ZNF695: variants seen among roughly 807,000 people sequenced by gnomAD.
ZNF695 encodes zinc finger protein SBZF3.
A neutral mutation model predicts 11.2 loss-of-function variants in ZNF695; 11 were observed. The ratio of observed to expected loss-of-function variants is 0.98; its 90% CI spans 0.62 to 1.62. ZNF695 has a LOEUF of 1.62. ZNF695 is among the 40% of genes most tolerant of loss of function. ZNF695 has a pLI of 0.00. For missense variants in ZNF695, 559 were observed against 590.5 expected (o/e 0.95, Z 0.55); for synonymous variants, 190 against 201.4 (o/e 0.94, Z 0.48).
chr1:246,961,047 TG>T (rs1037470899), intron 5 of ZNF695, among the ~76,000 whole-genome samples: 4 of 152,220 alleles, frequency 2.6e-5, no homozygotes, highest in Non-Finnish European at 5.9e-5. Flanking sequence ...ACTATGAAGG[TG>T]GGCTTCCTGA....
chr1:246,965,247 C>G (rs1668257513), intron 5 of ZNF695, among the ~76,000 whole-genome samples: 2 of 151,590 alleles, frequency 1.3e-5, no homozygotes, highest in Non-Finnish European at 2.9e-5. Flanking sequence ...GTCCCAGCTA[C>G]TCGGGAGTCT....
chr1:246,964,623 C>A (rs1668241895), intron 5 of ZNF695, among the ~76,000 whole-genome samples: 1 of 152,236 alleles, frequency 6.6e-6, no homozygotes, highest in South Asian at 2.1e-4. Flanking sequence ...ATAATCCCAG[C>A]AATTTGGGAG....
rs151022440 is a variant in ZNF695 at position 246,971,270 on chromosome 1, T to G, written c.391-3478A>C. Among the ~76,000 whole-genome samples the G allele has an allele frequency of 5.3e-4, 81 of 152,330 alleles. No individual in the cohort carries two copies. In the East Asian group the frequency reaches 9.1e-3, roughly 17 times the overall value. On this transcript the variant is annotated intron_variant, in intron 4 of 5. Coordinates refer to the ZNF695 transcript ENST00000487338. The stretch of plus-strand genomic sequence containing the variant: ...TCTGTGCATTTCAAAGACTTTAGTC[T>G]TCACTGATTCTGCTACTGCTATCTA...
intron 3 of ZNF695, chr1:246,996,191 C>CA (rs750458290): frequency 0.013 from 3,530 of 277,044 alleles, 12 homozygotes; most frequent in South Asian, 0.019. Flanking sequence ...ACTAAAAATA[C>CA]AAAAAAAAAA....
At chr1:246,983,503 G>A (rs927477250), downstream of ZNF695, among the ~76,000 whole-genome samples, 2 of 151,814 alleles carry the variant, frequency 1.3e-5, no homozygotes, top group African/African-American at 4.8e-5. Flanking sequence ...AAATATAAAT[G>A]ACCTCAAACT....
At chr1:246,971,034 G>A (rs1668410858) in intron 4 of ZNF695, among the ~76,000 whole-genome samples, 1 of 152,186 alleles carries the variant, frequency 6.6e-6, no homozygotes. Flanking sequence ...GGGCCCAGGG[G>A]ACTACTACCA....
At chr1:246,959,240 C>T (rs1329056022) in intron 5 of ZNF695, among the ~76,000 whole-genome samples, 1 of 118,470 alleles carries the variant, frequency 8.4e-6, no homozygotes, top group Non-Finnish European at 1.6e-5. Flanking sequence ...GATCTCACCA[C>T]AGGACTCACT....
At chr1:246,995,359 T>C (rs1669169775) in intron 3 of ZNF695, among the ~76,000 whole-genome samples, 1 of 152,196 alleles carries the variant, frequency 6.6e-6, no homozygotes, top group Non-Finnish European at 1.5e-5. Context: ...ATTACGAAGA[T>C]GTTCATATCA....
chr1:246,950,813 A>G (rs1484409266), intron 5 of ZNF695, among the ~76,000 whole-genome samples: 1 of 152,116 alleles, frequency 6.6e-6, no homozygotes, highest in Non-Finnish European at 1.5e-5. Flanking sequence ...CGGTTTCTTC[A>G]TTTGTAAAAT....
rs1669102275 is a variant in ZNF695 at position 246,993,474 on chromosome 1, G to C, written c.260-5219C>G. ...CAGAGAAGACATATCCCAAGAACAA[G>C]TTTGAGAGGCTCCCATAATCTCTAG... is the stretch of plus-strand genomic sequence containing the variant. On this transcript the variant is annotated intron_variant, in intron 3 of 3. Coordinates refer to ENST00000339986, the MANE Select transcript of ZNF695 (RefSeq NM_020394.5). 2.0e-5 allele frequency among the ~76,000 whole-genome samples: 3 copies of C among 152,104 alleles called. No homozygotes were observed. The South Asian group carries it at 6.2e-4, about 32-fold the overall frequency.
At chr1:246,955,495 A>G (rs1384883494) in intron 5 of ZNF695, among the ~76,000 whole-genome samples, 1 of 152,166 alleles carries the variant, frequency 6.6e-6, no homozygotes, top group Non-Finnish European at 1.5e-5. Flanking sequence ...TTAAGAGTAG[A>G]AGCTCTCCCG....
At chr1:246,963,714 C>T (rs868330967) in intron 5 of ZNF695, among the ~76,000 whole-genome samples, 8 of 152,174 alleles carry the variant, frequency 5.3e-5, no homozygotes, top group African/African-American at 1.2e-4. Context: ...ACTTCCTCTC[C>T]GGTTGCTAAA....
intron 4 of ZNF695, among the ~76,000 whole-genome samples, chr1:246,973,632 T>C (rs1170106716): frequency 6.6e-6 from 1 of 152,256 alleles, no homozygotes; most frequent in Admixed American, 6.5e-5. Context: ...GATACTCTTC[T>C]ATGTATTAAA....
At chr1:246,976,756 TGC>T (rs1668577386) in intron 4 of ZNF695, among the ~76,000 whole-genome samples, 1 of 152,150 alleles carries the variant, frequency 6.6e-6, no homozygotes, top group Admixed American at 6.6e-5. Context: ...ATCGCGCCAC[TGC>T]ACTCCAGCCT....
At chr1:246,946,166 C>T (rs2800217) in intron 5 of ZNF695, among the ~76,000 whole-genome samples, 79,703 of 152,034 alleles carry the variant, frequency 0.52, 21,068 homozygotes, top group Middle Eastern at 0.61. Flanking sequence ...ATCCTCCCGC[C>T]GCTGCATTTT....
intron 1 of ZNF695, among the ~76,000 whole-genome samples, chr1:247,005,267 C>T (rs1213786702): frequency 6.6e-6 from 1 of 152,044 alleles, no homozygotes; most frequent in Non-Finnish European, 1.5e-5. Context: ...AATAAAGAAC[C>T]AAGAAAAAAA....
chr1:246,987,148 C>A lies in ZNF695; in HGVS notation c.1367G>T (p.Arg456Ile). 3 of 1,613,602 alleles carry A rather than the reference C, an allele frequency of 1.9e-6. No homozygotes were observed. Among genetic ancestry groups the A allele is most frequent in the East Asian group, 4.5e-5 (2 of 44,806 alleles). Residue 456 changes from arginine to isoleucine, a missense_variant, in exon 4 of 4, where the codon AGA becomes ATA. Transcript: ENST00000339986. ...NWFSYLTNHK[R>I]IHTGEKPYKC... is the part of the protein sequence containing the mutation. ...GTAGGGTTTCTCTCCAGTATGAATT[C>A]TCTTATGATTAGTAAGATATGAAAA...
chr1:246,999,420 C>CT lies in ZNF695; in HGVS notation c.186dup (p.Glu63ArgfsTer32). ...CTTGCCTCCAGACAGATGATCAGTTCTGGCTTAGACATAGCAAGACCTGTT... is the reference window on the plus strand; with the variant it reads ...CTTGCCTCCAGACAGATGATCAGTTCTTGGCTTAGACATAGCAAGACCTGTT... On this transcript the variant is annotated frameshift_variant, in exon 3 of 4. Coordinates refer to ENST00000339986, the MANE Select transcript of ZNF695 (RefSeq NM_020394.5). LOFTEE classifies it high-confidence loss of function. 1 of 1,613,964 alleles carries CT rather than the reference C, an allele frequency of 6.2e-7. No homozygotes were observed. Among genetic ancestry groups the CT allele is most frequent in the African/African-American group, 1.3e-5 (1 of 75,036 alleles).
chr1:246,995,032 C>T (rs773475356), intron 3 of ZNF695, among the ~76,000 whole-genome samples: 1 of 152,068 alleles, frequency 6.6e-6, no homozygotes, highest in African/African-American at 2.4e-5. Context: ...AATGAAGCAA[C>T]AAGTACACAG....
Sources: allele counts gnomAD v4.1 joint callset (sites outside exome capture counted in the v4.1 genomes callset), GRCh38; gene constraint gnomAD v4.1.1; transcripts MANE v1.5; gene names NCBI Gene and HGNC (gene_info 2026-07-23, HGNC 2026-07-21).